ATAD3B: variants seen among roughly 807,000 people sequenced by gnomAD.
ATAD3B encodes ATPase family AAA domain containing 3B.
Under a neutral mutation model 70.2 loss-of-function variants are expected in ATAD3B, and 59 were observed. That is an observed-to-expected ratio of 0.84 (90% CI 0.68 to 1.04). ATAD3B has a LOEUF of 1.04. ATAD3B is among the 50% of genes least tolerant of loss of function. The pLI, the probability that ATAD3B is intolerant of heterozygous loss-of-function variation, is 0.00. For synonymous variants in ATAD3B, 423 were observed against 388.6 expected, an observed-to-expected ratio of 1.09 and a Z score of -1.04; for missense variants, 961 against 913.4, an observed-to-expected ratio of 1.05 and a Z score of -0.67.
At chr1:1,494,452 C>G (rs1447804503) in intron 15 of ATAD3B, among the ~76,000 whole-genome samples, 1 of 149,038 alleles carries the variant, frequency 6.7e-6, no homozygotes, top group South Asian at 2.1e-4. Flanking sequence ...GTCAGTGTCT[C>G]CTGCGCTCCC....
chr1:1,492,040 G>T (rs551470513), intron 15 of ATAD3B, among the ~76,000 whole-genome samples: 3 of 152,010 alleles, frequency 2.0e-5, no homozygotes, highest in African/African-American at 7.2e-5. Flanking sequence ...GAAAAAATTG[G>T]CCGGACCTAG....
the ATAD3B span, among the ~76,000 whole-genome samples, chr1:1,508,513 C>A: frequency 6.6e-6 from 1 of 151,536 alleles, no homozygotes; most frequent in South Asian, 2.1e-4. Context: ...CTGGTGCCCT[C>A]CTGAGCACGG....
intron 13 of ATAD3B, chr1:1,489,600 C>T (rs1640419864): frequency 3.2e-6 from 4 of 1,233,164 alleles, no homozygotes; most frequent in Non-Finnish European, 4.4e-6. Context: ...GCCCAGAGGT[C>T]CCCAGTAGGG....
intron 10 of ATAD3B, 32 bp downstream of exon 10, chr1:1,486,267 G>T (rs775958291): frequency 6.2e-7 from 1 of 1,611,992 alleles, no homozygotes; most frequent in Non-Finnish European, 8.5e-7. Context: ...GGTGGGCCAG[G>T]GGCCGCTGGG....
At chr1:1,491,918 G>C (rs920035156) in intron 15 of ATAD3B, among the ~76,000 whole-genome samples, 2 of 151,932 alleles carry the variant, frequency 1.3e-5, no homozygotes, top group Admixed American at 1.3e-4. Context: ...TATGGTGGTG[G>C]CTGACGCTTG....
At chr1:1,498,395 G>A (rs1355660698), downstream of ATAD3B, among the ~76,000 whole-genome samples, 2 of 151,874 alleles carry the variant, frequency 1.3e-5, no homozygotes, top group African/African-American at 2.4e-5. Context: ...AGCATGGGAG[G>A]CAGAGGTGAC....
downstream of ATAD3B, among the ~76,000 whole-genome samples, chr1:1,500,358 C>G (rs1344719761): frequency 1.3e-5 from 2 of 149,162 alleles, no homozygotes; most frequent in Non-Finnish European, 3.0e-5. Context: ...GGAGACCATC[C>G]TGGATAACAC....
At chr1:1,504,846 C>T in the ATAD3B span, among the ~76,000 whole-genome samples, 7 of 152,078 alleles carry the variant, frequency 4.6e-5, no homozygotes, top group Non-Finnish European at 8.8e-5. Flanking sequence ...TCTGGTGTCC[C>T]TTACAAGGAT....
chr1:1,480,401 C>T (rs1393901385), intron 4 of ATAD3B, among the ~76,000 whole-genome samples: 2 of 146,382 alleles, frequency 1.4e-5, no homozygotes, highest in African/African-American at 5.1e-5. Context: ...TGGTCAGTGG[C>T]GGCGGGCGGG....
downstream of ATAD3B, among the ~76,000 whole-genome samples, chr1:1,501,529 A>G (rs1040873201): frequency 6.6e-6 from 1 of 152,146 alleles, no homozygotes; most frequent in African/African-American, 2.4e-5. Flanking sequence ...TGCTGGAATT[A>G]CAGGCGTGAG....
chr1:1,483,092 A>C, intron 7 of ATAD3B: 1 of 453,924 alleles, frequency 2.2e-6, no homozygotes, highest in South Asian at 1.6e-5. Context: ...CCGGAGATCG[A>C]GATCATCCTG....
At chr1:1,477,208 C>G in intron 1 of ATAD3B, 66 bp from the exon 2 acceptor site, 7 of 1,588,802 alleles carry the variant, frequency 4.4e-6, no homozygotes, top group Non-Finnish European at 5.2e-6. Context: ...TTGGGTTTCA[C>G]CATGTTGGCC....
chr1:1,509,312 G>T, the ATAD3B span: 1 of 1,612,352 alleles, frequency 6.2e-7, no homozygotes, highest in Non-Finnish European at 8.5e-7. Flanking sequence ...GGCTGAAGAG[G>T]GGGAGGCCTG....
chr1:1,500,604 A>T (rs1557440806), downstream of ATAD3B, among the ~76,000 whole-genome samples: 1 of 148,800 alleles, frequency 6.7e-6, no homozygotes, highest in African/African-American at 2.5e-5. Flanking sequence ...CATTCAGTCT[A>T]ATATATATAT....
intron 12 of ATAD3B, 145 bp from the exon 13 acceptor site, chr1:1,489,059 G>T (rs1640386995): frequency 1.4e-6 from 2 of 1,421,134 alleles, no homozygotes; most frequent in Non-Finnish European, 1.9e-6. Flanking sequence ...ACCGCCCCTG[G>T]CCCTGGTCAG....
At position 1,482,207 on chromosome 1, in the gene ATAD3B, C is replaced by T. The variant is rs181312132; in HGVS notation, c.584C>T (p.Ala195Val). The change falls in exon 6 of 16, where the codon GCG (alanine) becomes GTG (valine). Residue 195 changes from alanine (A) to valine (V), a missense_variant. Physicochemically the swap from Ala to Val is moderately conservative, Grantham distance 64. This residue lies in a region of ATAD3B where 349 missense variants were observed against 307.5 expected (regional missense o/e 1.14). Coordinates refer to ENST00000673477, the MANE Select transcript of ATAD3B (RefSeq NM_031921.6). ...CTGCGAGTGGAGACCGAGGCCCGGGCGCGCGCCAAGGCCGAGCGGGAGAAT... is the reference window on the plus strand; with the variant it reads ...CTGCGAGTGGAGACCGAGGCCCGGGTGCGCGCCAAGGCCGAGCGGGAGAAT... ...EMLRVETEARARAKAERENAD... is the reference protein window; with the variant it reads ...EMLRVETEARVRAKAERENAD... 1,494 of 1,610,962 alleles carry T rather than the reference C, an allele frequency of 9.3e-4. 31 individuals carry two copies. The East Asian group carries it at 0.028, about 31-fold the overall frequency.
intron 15 of ATAD3B, among the ~76,000 whole-genome samples, chr1:1,492,192 T>C (rs1479949823): frequency 6.6e-6 from 1 of 151,560 alleles, no homozygotes; most frequent in Non-Finnish European, 1.5e-5. Flanking sequence ...TCTTAAAAAC[T>C]GAGAATAATT....
At chr1:1,480,984 T>G in intron 5 of ATAD3B, 48 bp downstream of exon 5, 1 of 1,580,146 alleles carries the variant, frequency 6.3e-7, no homozygotes, top group East Asian at 2.4e-5. Flanking sequence ...GGGGGCTGCT[T>G]GTGGATCCGG....
At position 1,482,163 on chromosome 1, in the gene ATAD3B, G is replaced by T; in HGVS notation, c.540G>T (p.Leu180=). 1 of 1,610,116 alleles carries T rather than the reference G, an allele frequency of 6.2e-7. No homozygotes were observed. Among genetic ancestry groups the T allele is most frequent in the Non-Finnish European group, 8.5e-7 (1 of 1,179,020 alleles). ...RRATVEREME[L]RHKNEMLRVE... ...CCACCGTGGAGCGGGAGATGGAGCT[G>T]CGGCACAAGAATGAGATGCTGCGAG... Residue 180 remains leucine, a synonymous_variant, in exon 6 of 16, where the codon CTG becomes CTT. Coordinates refer to ENST00000673477, the MANE Select transcript of ATAD3B (RefSeq NM_031921.6).
Sources: gnomAD v4.1 joint callset for allele counts (sites outside exome capture counted in the v4.1 genomes callset) on GRCh38, gnomAD v4.1.1 for gene constraint, gnomAD v4.1.1 regional missense constraint, MANE v1.5 for transcripts, NCBI Gene and HGNC (gene_info 2026-07-23, HGNC 2026-07-21) for gene names.